VPS26C: variants seen among roughly 807,000 people sequenced by gnomAD.
VPS26C encodes vacuolar protein sorting-associated protein 26C.
In VPS26C, 19 loss-of-function variants were observed where a neutral mutation model predicts 30.6. The observed-to-expected ratio is 0.62, with a 90% CI of 0.43 to 0.91. The LOEUF (loss-of-function observed/expected upper bound fraction) is 0.91, where lower values mean the gene tolerates loss of function less well. Ranked by LOEUF, VPS26C falls within the 40% of genes least tolerant of loss-of-function variation. The pLI is 0.00. For synonymous variants in VPS26C, 132 were observed against 151.5 expected, an observed-to-expected ratio of 0.87 and a Z score of 0.95; for missense variants, 318 against 385.1, an observed-to-expected ratio of 0.83 and a Z score of 1.46.
Position 37,238,467 on chromosome 21 carries a change from T to C in VPS26C, c.344A>G (p.Asn115Ser). The C allele has an allele frequency of 6.2e-7, 1 of 1,613,948 alleles. No homozygotes were observed. Among genetic ancestry groups the C allele is most frequent in the Non-Finnish European group, 8.5e-7 (1 of 1,179,882 alleles). The change falls in exon 3 of 8, where the codon AAC (asparagine) becomes AGC (serine). Residue 115 changes from asparagine (N) to serine (S), a missense_variant. Physicochemically the swap from Asn to Ser is conservative, Grantham distance 46. Transcript: ENST00000309117. ...GGACTAGGAAGCTCTCACCTGAATG[T>C]TGACAAACACGCCATGATACGTCTC... Reference protein sequence around the residue: ...LYETYHGVFVNIQYTLRCDMK... With the variant: ...LYETYHGVFVSIQYTLRCDMK...
upstream of VPS26C, chr21:37,267,547 T>G (rs1020032463): frequency 5.6e-5 from 31 of 555,030 alleles, no homozygotes; most frequent in African/African-American, 1.2e-4. Context: ...CCTCTGGGCG[T>G]GAAAGACGGG....
intron 5 of VPS26C, chr21:37,232,058 G>A (rs1158274803): frequency 3.1e-6 from 1 of 327,450 alleles, no homozygotes; most frequent in Non-Finnish European, 5.6e-6. Context: ...CTAACCATGA[G>A]AAATGAAGGG....
intron 1 of VPS26C, among the ~76,000 whole-genome samples, chr21:37,244,979 C>T (rs890334731): frequency 1.3e-5 from 2 of 152,236 alleles, no homozygotes; most frequent in African/African-American, 2.4e-5. Context: ...AAGGTGCAAA[C>T]GCCCTGCAGC....
chr21:37,236,336 C>A (rs995601315), intron 3 of VPS26C, among the ~76,000 whole-genome samples: 1 of 152,076 alleles, frequency 6.6e-6, no homozygotes, highest in Non-Finnish European at 1.5e-5. Flanking sequence ...AAGAAAAAGA[C>A]CTGCCAAATA....
Position 37,224,281 on chromosome 21 carries a change from C to G in VPS26C, c.*1263G>C, listed in dbSNP as rs1175826392. 1 of 152,298 alleles carries G rather than the reference C, an allele frequency of 6.6e-6. No homozygotes were observed. The highest frequency in any genetic ancestry group is 1.9e-4 in the East Asian group (1 of 5,196). 9.4% of individuals were successfully genotyped at this position (152,298 alleles called of 1,614,324 possible). On this transcript the variant is annotated 3_prime_UTR_variant, in exon 8 of 8. Transcript: ENST00000309117. ...GCACAGTGGCTCACACCTGTAATCT[C>G]AGCACTTTGGGAGGCCAAGACAGGA...
rs1176329026 is a variant in VPS26C, at chr21:37,257,681, C to T, written c.57+9557G>A. ...CTTCCCCTTCCAGCTTTTCACAACCCTGCCTTGCTCATGGTCAGCCCCAAG... is the reference window on the plus strand; with the variant it reads ...CTTCCCCTTCCAGCTTTTCACAACCTTGCCTTGCTCATGGTCAGCCCCAAG... On this transcript the variant is annotated intron_variant, in intron 1 of 7. Transcript: ENST00000309117. The surrounding 1 kb of genome is among the most constrained non-coding windows in gnomAD (Gnocchi z 4.2). Among the ~76,000 whole-genome samples, 1 of 152,154 alleles carries T rather than the reference C, an allele frequency of 6.6e-6. No homozygotes were observed. Among genetic ancestry groups the T allele is most frequent in the African/African-American group, 2.4e-5 (1 of 41,426 alleles).
In VPS26C at chr21:37,246,509, T is replaced by C. The variant is rs371302861; in HGVS notation, c.58-5870A>G. Among the ~76,000 whole-genome samples the C allele has an allele frequency of 1.6e-4, 25 of 152,126 alleles. No homozygotes were observed. The South Asian group carries it at 2.1e-3, about 13-fold the overall frequency. ...AATGTACTAAATAGTAAACTATAGC[T>C]ATCCAAGAGATGGCTAGAAAAACTA... On this transcript the variant is annotated intron_variant, in intron 1 of 7. Transcript: ENST00000309117.
chr21:37,267,579 C>A (rs1170453317), upstream of VPS26C: 2 of 512,570 alleles, frequency 3.9e-6, no homozygotes, highest in Non-Finnish European at 6.9e-6. Flanking sequence ...CCCACCCCTT[C>A]CGTAGGGACA....
rs1019570091 is a variant in VPS26C at position 37,233,999 on chromosome 21, T to G, written c.352-557A>C. ...TTTGTAAGCGGGATTAGAAAATCCA[T>G]GCAGTGAGGACTGCAACCCTGGGAC... On this transcript the variant is annotated intron_variant, in intron 3 of 7. Transcript: ENST00000309117. This position sits in a 1 kb window ranked among gnomAD's most constrained non-coding sequence, Gnocchi z 5.2. Among the ~76,000 whole-genome samples, 1 of 152,246 alleles carries G rather than the reference T, an allele frequency of 6.6e-6. No individual in the cohort carries two copies. Among genetic ancestry groups the G allele is most frequent in the African/African-American group, 2.4e-5 (1 of 41,464 alleles).
At chr21:37,260,585 C>A (rs2086294139) in intron 1 of VPS26C, among the ~76,000 whole-genome samples, 1 of 152,110 alleles carries the variant, frequency 6.6e-6, no homozygotes, top group Non-Finnish European at 1.5e-5. Context: ...AGAAGGTGCC[C>A]CAACAGCAAT....
intron 2 of VPS26C, among the ~76,000 whole-genome samples, chr21:37,239,809 G>C (rs1335930377): frequency 6.6e-6 from 1 of 152,092 alleles, no homozygotes; most frequent in African/African-American, 2.4e-5. Flanking sequence ...TGTTAGCCAG[G>C]CTGGTCTCGA....
At chr21:37,238,380 A>T in intron 3 of VPS26C, 80 bp downstream of exon 3, 1 of 1,511,690 alleles carries the variant, frequency 6.6e-7, no homozygotes, top group Non-Finnish European at 9.0e-7. Context: ...GGGCCCGTCT[A>T]CTAACGTTGA....
chr21:37,240,412 A>G (rs975823896), intron 2 of VPS26C, 84 bp downstream of exon 2: 1 of 1,499,484 alleles, frequency 6.7e-7, no homozygotes, highest in East Asian at 2.3e-5. Flanking sequence ...GGCCTGAGCC[A>G]CTGCGCCTGG....
chr21:37,227,379 G>C, intron 7 of VPS26C: 1 of 465,880 alleles, frequency 2.1e-6, no homozygotes, highest in Non-Finnish European at 3.9e-6. Flanking sequence ...TGTCTACACT[G>C]ATGTGGGTCT....
chr21:37,227,738 A>G lies in VPS26C; in HGVS notation c.727T>C (p.Cys243Arg), dbSNP rs2085916167. ...QNIQIADGDV[C>R]RGLSVPIYMV... ...TAGATGGGGACAGAGAGGCCCCTGCACACATCCCCGTCGGCGATCTGAATG... is the reference window on the plus strand; with the variant it reads ...TAGATGGGGACAGAGAGGCCCCTGCGCACATCCCCGTCGGCGATCTGAATG... Residue 243 changes from cysteine to arginine, a missense_variant, in exon 7 of 8, where the codon TGC (cysteine) becomes CGC (arginine). Coordinates refer to ENST00000309117, the MANE Select transcript of VPS26C (RefSeq NM_006052.2). 2 of 1,614,206 alleles carry G rather than the reference A, an allele frequency of 1.2e-6. No individual in the cohort carries two copies. The highest frequency in any genetic ancestry group is 1.7e-6 in the Non-Finnish European group (2 of 1,180,040).
chr21:37,267,334 T>C lies in VPS26C; in HGVS notation c.-40A>G, dbSNP rs373126930. 5 of 1,594,260 alleles carry C rather than the reference T, an allele frequency of 3.1e-6. No individual in the cohort carries two copies. The highest frequency in any genetic ancestry group is 1.1e-5 in the South Asian group (1 of 90,626). ...AGCAGCCGCCACTTCCGGCTGCGCGTGACCCCAGGGAAACAAGGGGCGCCT... is the reference window on the plus strand; with the variant it reads ...AGCAGCCGCCACTTCCGGCTGCGCGCGACCCCAGGGAAACAAGGGGCGCCT... On this transcript the variant is annotated 5_prime_UTR_variant, in exon 1 of 8. Coordinates refer to ENST00000309117, the MANE Select transcript of VPS26C (RefSeq NM_006052.2).
chr21:37,227,069 AAT>A (rs1288923225), intron 7 of VPS26C: 2 of 152,354 alleles, frequency 1.3e-5, no homozygotes, highest in Admixed American at 6.5e-5. Context: ...CCATGGTTAA[AAT>A]ATGAACACAC....
intron 5 of VPS26C, chr21:37,230,699 A>C (rs970057295): frequency 1.3e-5 from 2 of 152,348 alleles, no homozygotes; most frequent in Admixed American, 1.3e-4. Context: ...TGTCCGGCAG[A>C]AAGTGGACAG....
intron 1 of VPS26C, among the ~76,000 whole-genome samples, chr21:37,255,851 A>ATTTTTTTT (rs375877407): frequency 0.16 from 16,978 of 107,146 alleles, 2,388 homozygotes; most frequent in East Asian, 0.39. Context: ...TATGCACTGC[A>ATTTTTTTT]TTTTTTTTTT....
Sources: allele counts gnomAD v4.1 joint callset (sites outside exome capture counted in the v4.1 genomes callset), GRCh38; gene constraint gnomAD v4.1.1; non-coding constraint Gnocchi (gnomAD v3.1); transcripts MANE v1.5; gene names NCBI Gene and HGNC (gene_info 2026-07-23, HGNC 2026-07-21).